The following ABCA13 variants were observed in gnomAD, a reference collection of about 807,000 sequenced individuals.
The protein encoded by ABCA13 is ATP-binding cassette sub-family A member 13.
Under a neutral mutation model 478.7 loss-of-function variants are expected in ABCA13, and 476 were observed. That is an observed-to-expected ratio of 0.99 (90% CI 0.92 to 1.07). The LOEUF is 1.07. Ranked by LOEUF, ABCA13 falls within the 50% of genes least tolerant of loss-of-function variation. The probability of loss-of-function intolerance (pLI) is 0.00; values close to 1 mark genes in which losing one functional copy is unlikely to be tolerated. For synonymous variants in ABCA13, 2,252 were observed against 2,158.9 expected (o/e 1.04, Z -1.20); for missense variants, 6,060 against 5,910.6 (o/e 1.03, Z -0.83).
intron 3 of ABCA13, among the ~76,000 whole-genome samples, chr7:48,213,996 A>G (rs1195840982): frequency 1.3e-5 from 2 of 152,220 alleles, no homozygotes; most frequent in African/African-American, 4.8e-5. Context: ...AAAATCATCC[A>G]TAAATTTGAA....
intron 55 of ABCA13, among the ~76,000 whole-genome samples, chr7:48,546,388 A>G (rs1215559864): frequency 6.6e-6 from 1 of 151,802 alleles, no homozygotes; most frequent in Non-Finnish European, 1.5e-5. Flanking sequence ...AGAATCCAGT[A>G]AAATGAAAGA....
At position 48,506,400 on chromosome 7, in the gene ABCA13, T is replaced by C; in HGVS notation, c.13346+10T>C. ...TGAACGAGGACAAGATGTGAGTTGA[T>C]GGAATGCTGAGGGGTGTGTGACCCT... On this transcript the variant is annotated intron_variant, in intron 49 of 61. Coordinates refer to ENST00000435803, the MANE Select transcript of ABCA13 (RefSeq NM_152701.5). 6.2e-7 allele frequency: 1 copy of C among 1,613,538 alleles called. No individual in the cohort carries two copies. Among genetic ancestry groups the C allele is most frequent in the Non-Finnish European group, 8.5e-7 (1 of 1,179,514 alleles).
chr7:48,503,190 A>C (rs2130831526), intron 48 of ABCA13, among the ~76,000 whole-genome samples: 1 of 152,260 alleles, frequency 6.6e-6, no homozygotes, highest in African/African-American at 2.4e-5. Context: ...GGGCTCAAGC[A>C]GTCCTCCCAC....
At chr7:48,258,410 A>G (rs542627396) in intron 15 of ABCA13, among the ~76,000 whole-genome samples, 3 of 152,210 alleles carry the variant, frequency 2.0e-5, no homozygotes, top group Non-Finnish European at 4.4e-5. Context: ...TTAAAAAAAA[A>G]TTCTTTGGGG....
Position 48,343,801 on chromosome 7 carries a change from G to A in ABCA13, c.10204+5346G>A, listed in dbSNP as rs367929689. Among the ~76,000 whole-genome samples the A allele has an allele frequency of 1.8e-4, 27 of 152,092 alleles. No homozygotes were observed. The South Asian group carries it at 5.0e-3, about 28-fold the overall frequency. ...TCATATTTTCTGGTTGTTCTTGGAA[G>A]GAAACTTCATCTGCCCCACATTGTC... On this transcript the variant is annotated intron_variant, in intron 29 of 61. Transcript: ENST00000435803.
chr7:48,516,808 A>G lies in ABCA13; in HGVS notation c.13724A>G (p.Asn4575Ser), dbSNP rs779866368. The stretch of plus-strand genomic sequence containing the variant: ...GCTTTCATTTCCTATGTCTCACTAA[A>G]CTTCATCTTTGGCCTTTGTACCATG... ...DVAFISYVSL[N>S]FIFGLCTMLI... The change falls in exon 52 of 62, where the codon AAC (asparagine) becomes AGC (serine). Residue 4575 changes from asparagine (N) to serine (S), a missense_variant. By Grantham distance (46) the Asn-to-Ser change is conservative (BLOSUM62 1). Coordinates refer to ENST00000435803, the MANE Select transcript of ABCA13 (RefSeq NM_152701.5). 1.2e-6 allele frequency: 2 copies of G among 1,613,742 alleles called. No homozygotes were observed. Among genetic ancestry groups the G allele is most frequent in the South Asian group, 2.2e-5 (2 of 91,066 alleles).
At chr7:48,245,278 G>A (rs553997736) in intron 11 of ABCA13, among the ~76,000 whole-genome samples, 2 of 152,340 alleles carry the variant, frequency 1.3e-5, no homozygotes, top group Non-Finnish European at 2.9e-5. Flanking sequence ...GAAAAAGTGA[G>A]GGGGGATGTT....
rs140662491 is a variant in ABCA13 at position 48,617,011 on chromosome 7, G to A, written c.14837+1634G>A. Among the ~76,000 whole-genome samples the A allele has an allele frequency of 9.9e-5, 15 of 152,282 alleles. No individual in the cohort carries two copies. In the East Asian group the frequency reaches 2.9e-3, roughly 29 times the overall value. ...ATTGTGCCACTACACTCCAGCCTGC[G>A]TGACAGAGTCAGAAAACAATTAAAA... On this transcript the variant is annotated intron_variant, in intron 59 of 61. Transcript: ENST00000435803.
In ABCA13 at chr7:48,313,150, C is replaced by G. The variant is rs768178249; in HGVS notation, c.9600C>G (p.Ala3200=). 1 of 1,613,150 alleles carries G rather than the reference C, an allele frequency of 6.2e-7. No individual in the cohort carries two copies. Among genetic ancestry groups the G allele is most frequent in the Admixed American group, 1.7e-5 (1 of 59,914 alleles). Residue 3200 remains alanine, a synonymous_variant, in exon 25 of 62, where the codon GCC becomes GCG. Transcript: ENST00000435803. ...VSSLSALLAK[A]QHVFEYLPEF... is the part of the protein sequence containing the mutation. The stretch of plus-strand genomic sequence containing the variant: ...GCCTCAGCGCCTTGCTTGCCAAAGC[C>G]CAGCACGTCTTTGAGTATCTTCCTG...
chr7:48,635,957 A>G (rs1344000301), intron 59 of ABCA13, among the ~76,000 whole-genome samples: 6 of 152,180 alleles, frequency 3.9e-5, no homozygotes, highest in Admixed American at 3.9e-4. Flanking sequence ...AGAACTCCTC[A>G]TACTGTCCTG....
chr7:48,338,456 G>A lies in ABCA13; in HGVS notation c.10204+1G>A, dbSNP rs569177123. 1.7e-4 allele frequency: 266 copies of A among 1,584,622 alleles called. 3 individuals are homozygous for A. The South Asian group carries it at 3.0e-3, about 18-fold the overall frequency. On this transcript the variant is annotated splice_donor_variant, in intron 29 of 61. Transcript: ENST00000435803. LOFTEE classifies it high-confidence loss of function. ...CTTACTGAAAAACTCCAGACATACGGTAAGTGTGCTGATGGGCATGGTAGT... is the reference window on the plus strand; with the variant it reads ...CTTACTGAAAAACTCCAGACATACGATAAGTGTGCTGATGGGCATGGTAGT...
chr7:48,325,909 G>C (rs1207009401), intron 27 of ABCA13, among the ~76,000 whole-genome samples: 1 of 152,170 alleles, frequency 6.6e-6, no homozygotes. Flanking sequence ...GAAAATCACT[G>C]AGGTGAGTGG....
At chr7:48,173,317 G>T (rs1157065551) in intron 1 of ABCA13, among the ~76,000 whole-genome samples, 2 of 152,172 alleles carry the variant, frequency 1.3e-5, no homozygotes, top group Non-Finnish European at 2.9e-5. Context: ...TTACATGCAT[G>T]AGAGCAGGAC....
intron 41 of ABCA13, among the ~76,000 whole-genome samples, chr7:48,416,343 T>C (rs1819979508): frequency 1.3e-5 from 2 of 152,030 alleles, no homozygotes; most frequent in Non-Finnish European, 2.9e-5. Flanking sequence ...GAATAGAAAC[T>C]GAGATTTCCA....
chr7:48,313,194 A>T lies in ABCA13; in HGVS notation c.9644A>T (p.Lys3215Ile), dbSNP rs1229868985. The change falls in exon 25 of 62, where the codon AAA becomes ATA. Residue 3215 changes from lysine (K) to isoleucine (I), a missense_variant. Physicochemically the swap from Lys to Ile is moderately radical, Grantham distance 102 (BLOSUM62 -3). Around this residue, in one of 3 missense-constraint regions of ABCA13, gnomAD observed 4,423 missense variants for 4,309.1 expected, o/e 1.03. Transcript: ENST00000435803. ...CTTCCTGAGTTTCTTCACACATTTA[A>T]AATCACTGCCTTGCTAGAAACCCTG... is the stretch of plus-strand genomic sequence containing the variant. Reference protein sequence around the residue: ...EYLPEFLHTFKITALLETLDF... With the variant: ...EYLPEFLHTFIITALLETLDF... The T allele has an allele frequency of 6.2e-7, 1 of 1,612,532 alleles. No individual in the cohort carries two copies. The highest frequency in any genetic ancestry group is 8.5e-7 in the Non-Finnish European group (1 of 1,179,252).
chr7:48,568,526 C>T (rs1787299073), intron 55 of ABCA13, among the ~76,000 whole-genome samples: 1 of 151,858 alleles, frequency 6.6e-6, no homozygotes. Context: ...TACTTGTATT[C>T]TGTTGAGGAT....
At chr7:48,219,873 A>G (rs994545914) in intron 4 of ABCA13, among the ~76,000 whole-genome samples, 1 of 119,832 alleles carries the variant, frequency 8.3e-6, no homozygotes, top group Non-Finnish European at 1.7e-5. Context: ...ATCTGTCCCC[A>G]CCTTCCCCAA....
chr7:48,286,599 G>T (rs537454937), intron 19 of ABCA13, among the ~76,000 whole-genome samples: 1 of 151,952 alleles, frequency 6.6e-6, no homozygotes, highest in Non-Finnish European at 1.5e-5. Flanking sequence ...CTACCTCCTG[G>T]GTTCAAGCAA....
intron 41 of ABCA13, among the ~76,000 whole-genome samples, chr7:48,419,017 G>C (rs891295761): frequency 6.6e-6 from 1 of 152,146 alleles, no homozygotes; most frequent in Non-Finnish European, 1.5e-5. Context: ...GAGGGAGCAG[G>C]CATCTTATGT....
Sources: allele counts gnomAD v4.1 joint callset (sites outside exome capture counted in the v4.1 genomes callset), GRCh38; gene constraint gnomAD v4.1.1; regional missense constraint gnomAD v4.1.1; transcripts MANE v1.5; gene names NCBI Gene and HGNC (gene_info 2026-07-23, HGNC 2026-07-21).